LDB1: variants seen among roughly 807,000 people sequenced by gnomAD.
LDB1 encodes LIM domain binding 1, also known as LIM domain-binding protein 1.
A neutral mutation model predicts 49.7 loss-of-function variants in LDB1; 6 were observed. The ratio of observed to expected loss-of-function variants is 0.12; its 90% CI spans 0.07 to 0.24. The LOEUF (loss-of-function observed/expected upper bound fraction) is 0.24. Among genes scored for constraint, LDB1 ranks in the 10% least tolerant of loss-of-function variants. The pLI is 1.00. For missense variants in LDB1, 341 were observed against 561.7 expected, an observed-to-expected ratio of 0.61 and a Z score of 3.97; for synonymous variants, 233 against 202.0, an observed-to-expected ratio of 1.15 and a Z score of -1.30.
intron 1 of LDB1, among the ~76,000 whole-genome samples, chr10:102,112,397 C>G (rs1028004988): frequency 1.3e-5 from 2 of 152,132 alleles, no homozygotes; most frequent in Non-Finnish European, 2.9e-5. Flanking sequence ...CCATCTGACC[C>G]CTCTATTGCC....
chr10:102,113,066 T>C (rs2068278514), intron 1 of LDB1, among the ~76,000 whole-genome samples: 1 of 152,224 alleles, frequency 6.6e-6, no homozygotes, highest in African/African-American at 2.4e-5. Flanking sequence ...GGTAGCTAGA[T>C]TGGCTGTATC....
In LDB1 at chr10:102,120,234, G is replaced by A. The variant is rs2068400088; in HGVS notation, c.-124C>T. ...GCTGCGCTCGCCGCCGGCCCGGCCCGGCCTCGGCCCGGTGCGGGCGGCCCC... is the reference window on the plus strand; with the variant it reads ...GCTGCGCTCGCCGCCGGCCCGGCCCAGCCTCGGCCCGGTGCGGGCGGCCCC... On this transcript the variant is annotated 5_prime_UTR_variant, in exon 1 of 11. Transcript: ENST00000673968. 1 of 983,280 alleles carries A rather than the reference G, an allele frequency of 1.0e-6. No homozygotes were observed. 60.9% of individuals were successfully genotyped at this position (983,280 alleles called of 1,614,324 possible).
At chr10:102,119,639 T>A (rs772560052) in intron 1 of LDB1, among the ~76,000 whole-genome samples, 8 of 148,508 alleles carry the variant, frequency 5.4e-5, no homozygotes, top group East Asian at 2.0e-4. Context: ...GCAAACAGGG[T>A]CCTCAGAAAC....
At chr10:102,120,746 G>T (rs541644861), upstream of LDB1, among the ~76,000 whole-genome samples, 1 of 152,206 alleles carries the variant, frequency 6.6e-6, no homozygotes, top group Non-Finnish European at 1.5e-5. Context: ...CCGCGCGCTC[G>T]GTGTCCGTCC....
Position 102,109,926 on chromosome 10 carries a change from T to C in LDB1, c.643A>G (p.Met215Val). The change falls in exon 7 of 11, where the codon ATG becomes GTG. Residue 215 changes from methionine (M) to valine (V), a missense_variant. Met to Val is a conservative substitution (Grantham distance 21). This residue lies in a region of LDB1 where 233 missense variants were observed against 385.7 expected (regional missense o/e 0.60). Transcript: ENST00000673968. The surrounding 1 kb of genome is among the most constrained non-coding windows in gnomAD (Gnocchi z 5.8). Reference sequence around the variant, plus strand: ...GGGTCCTGCCCACGACTCACATGCATGGCAAGGATGCTGCGGGGGATGAGC... The same window carrying C: ...GGGTCCTGCCCACGACTCACATGCACGGCAAGGATGCTGCGGGGGATGAGC... ...RELIPRSILA[M>V]HAQDPQMLDQ... 1.2e-6 allele frequency: 2 copies of C among 1,609,196 alleles called. No individual in the cohort carries two copies. The highest frequency in any genetic ancestry group is 2.2e-5 in the East Asian group (1 of 44,858).
Position 102,107,921 on chromosome 10 carries a change from C to CT in LDB1, c.*171dup. On this transcript the variant is annotated 3_prime_UTR_variant, in exon 11 of 11. Transcript: ENST00000673968. ...AGAGGCCAGGCCCAGCCCAGGGCCA[C>CT]TGGGGGGGCAAATCTTGGCACCTGC... The CT allele has an allele frequency of 3.0e-6, 2 of 662,074 alleles. No individual in the cohort carries two copies. The highest frequency in any genetic ancestry group is 5.3e-6 in the Non-Finnish European group (2 of 377,470). The allele number at this position is 662,074 out of a possible 1,614,324, so 41.0% of individuals were successfully genotyped here. A position where few individuals can be genotyped will look rare whatever the true frequency, so the allele number is the denominator to read the frequency against.
intron 1 of LDB1, among the ~76,000 whole-genome samples, chr10:102,116,636 C>G (rs552550781): frequency 6.6e-6 from 1 of 152,148 alleles, no homozygotes; most frequent in South Asian, 2.1e-4. Context: ...CCTGTGACAG[C>G]CTATCACATA....
chr10:102,108,129 G>A lies in LDB1; in HGVS notation c.1200C>T (p.Ser400=). 1 of 1,614,140 alleles carries A rather than the reference G, an allele frequency of 6.2e-7. No individual in the cohort carries two copies. The highest frequency in any genetic ancestry group is 8.5e-7 in the Non-Finnish European group (1 of 1,179,996). ...WNSKPPSSQE[S]KSENPTSQAS... is the part of the protein sequence containing the mutation. The stretch of plus-strand genomic sequence containing the variant: ...CCTGTGACGTGGGGTTCTCCGATTT[G>A]CTTTCTTGGCTGGACGGAGGCTTGC... The change falls in exon 11 of 11, where the codon AGC becomes AGT. Residue 400 remains serine (S), a synonymous_variant. Transcript: ENST00000673968.
intron 1 of LDB1, 46 bp from the exon 2 acceptor site, chr10:102,111,582 T>A (rs1590284245): frequency 8.5e-7 from 1 of 1,178,180 alleles, no homozygotes; most frequent in Admixed American, 2.7e-5. Context: ...GTGGCTCACA[T>A]CTGTAATCTA....
intron 1 of LDB1, among the ~76,000 whole-genome samples, chr10:102,112,553 C>T (rs1308265006): frequency 6.6e-6 from 1 of 152,174 alleles, no homozygotes; most frequent in Non-Finnish European, 1.5e-5. Flanking sequence ...ACCAGTTGGG[C>T]CTTCTGCCTC....
chr10:102,102,943 A>C (rs2133489073), downstream of LDB1, among the ~76,000 whole-genome samples: 1 of 152,288 alleles, frequency 6.6e-6, no homozygotes, highest in Non-Finnish European at 1.5e-5. Flanking sequence ...CTGGGACTAT[A>C]GGCACAGAAC....
At chr10:102,103,338 G>A (rs997139158), downstream of LDB1, among the ~76,000 whole-genome samples, 2 of 151,450 alleles carry the variant, frequency 1.3e-5, no homozygotes, top group Non-Finnish European at 2.9e-5. Flanking sequence ...TTTTGTTGTT[G>A]TTGTTGTTGT....
chr10:102,105,385 C>T (rs143499705), downstream of LDB1, among the ~76,000 whole-genome samples: 1 of 152,262 alleles, frequency 6.6e-6, no homozygotes, highest in East Asian at 1.9e-4. Context: ...CAGTCCCTTC[C>T]TCTGGTGTCT....
intron 1 of LDB1, among the ~76,000 whole-genome samples, chr10:102,115,931 AACACACAC>A (rs147482525): frequency 2.0e-5 from 3 of 150,422 alleles, no homozygotes; most frequent in South Asian, 2.1e-4. Context: ...CACACACACA[AACACACAC>A]ACACACACGG....
chr10:102,118,477 G>A (rs1396712679), intron 1 of LDB1, among the ~76,000 whole-genome samples: 1 of 152,040 alleles, frequency 6.6e-6, no homozygotes, highest in Non-Finnish European at 1.5e-5. Context: ...TGCTCCCAGA[G>A]ACTAAGAAGA....
chr10:102,114,356 T>C, intron 1 of LDB1: 1 of 986,202 alleles, frequency 1.0e-6, no homozygotes, highest in Non-Finnish European at 1.2e-6. Flanking sequence ...CGGGCCGGGC[T>C]GAGGGCCTTC....
chr10:102,111,952 A>G (rs1297736766), intron 1 of LDB1, among the ~76,000 whole-genome samples: 1 of 152,074 alleles, frequency 6.6e-6, no homozygotes, highest in Non-Finnish European at 1.5e-5. Context: ...TGGCCTGATT[A>G]TAAGAGAGTG....
At position 102,107,916 on chromosome 10, in the gene LDB1, G is replaced by A. The variant is rs1164777466; in HGVS notation, c.*177C>T. The A allele has an allele frequency of 1.5e-6, 1 of 648,786 alleles. No homozygotes were observed. The highest frequency in any genetic ancestry group is 2.6e-5 in the East Asian group (1 of 38,232). The allele number at this position is 648,786 out of a possible 1,614,324, so 40.2% of individuals were successfully genotyped here. A position where few individuals can be genotyped will look rare whatever the true frequency, so the allele number is the denominator to read the frequency against. ...TCTGTAGAGGCCAGGCCCAGCCCAG[G>A]GCCACTGGGGGGGCAAATCTTGGCA... On this transcript the variant is annotated 3_prime_UTR_variant, in exon 11 of 11. Transcript: ENST00000673968.
At chr10:102,119,980 C>A in intron 1 of LDB1, 106 bp downstream of exon 1, 1 of 867,798 alleles carries the variant, frequency 1.2e-6, no homozygotes, top group Non-Finnish European at 1.6e-6. Context: ...CCCGGCTTCC[C>A]CCATGCCATC....
Sources: gnomAD v4.1 joint callset for allele counts (sites outside exome capture counted in the v4.1 genomes callset) on GRCh38, gnomAD v4.1.1 for gene constraint, gnomAD v4.1.1 regional missense constraint, Gnocchi (gnomAD v3.1) non-coding constraint, MANE v1.5 for transcripts, NCBI Gene and HGNC (gene_info 2026-07-23, HGNC 2026-07-21) for gene names.